RGS3: variants seen among roughly 807,000 people sequenced by gnomAD.
RGS3 encodes the protein regulator of G-protein signalling 3.
RGS3 carries 80 observed loss-of-function variants against 132.6 expected under a neutral mutation model. The ratio of observed to expected loss-of-function variants is 0.60; its 90% CI spans 0.50 to 0.73. The LOEUF (loss-of-function observed/expected upper bound fraction) is 0.73, where lower values mean the gene tolerates loss of function less well. RGS3 is among the 30% of genes least tolerant of loss of function. The probability of loss-of-function intolerance (pLI) is 0.00; values close to 1 mark genes in which losing one functional copy is unlikely to be tolerated. For missense variants in RGS3, 1,382 were observed against 1,530.8 expected (o/e 0.90, Z 1.62); for synonymous variants, 598 against 620.6 (o/e 0.96, Z 0.54).
intron 17 of RGS3, among the ~76,000 whole-genome samples, chr9:113,528,008 C>A (rs1442768094): frequency 1.3e-5 from 2 of 152,146 alleles, no homozygotes; most frequent in Non-Finnish European, 2.9e-5. Context: ...CTCTTCCTTA[C>A]TCCTGGGCAA....
chr9:113,492,027 G>A (rs906141146), intron 7 of RGS3, among the ~76,000 whole-genome samples: 9 of 152,130 alleles, frequency 5.9e-5, no homozygotes, highest in Non-Finnish European at 1.3e-4. Flanking sequence ...CCAGTGATGG[G>A]TACTGAGCTT....
intron 14 of RGS3, among the ~76,000 whole-genome samples, chr9:113,510,202 C>G (rs1216738607): frequency 2.6e-5 from 4 of 152,162 alleles, no homozygotes; most frequent in African/African-American, 9.7e-5. Flanking sequence ...GTTTTCCATT[C>G]CTGAGTTACT....
chr9:113,526,204 T>G (rs903185353), intron 17 of RGS3, among the ~76,000 whole-genome samples: 2 of 152,236 alleles, frequency 1.3e-5, no homozygotes, highest in African/African-American at 4.8e-5. Context: ...TGCTGATTAT[T>G]AGGCTCTCCA....
At chr9:113,553,474 A>T (rs1833440502) in intron 19 of RGS3, among the ~76,000 whole-genome samples, 1 of 115,402 alleles carries the variant, frequency 8.7e-6, no homozygotes, top group Non-Finnish European at 1.7e-5. Context: ...ATATATATAT[A>T]TATATATATA....
chr9:113,581,909 C>T (rs181952509), intron 19 of RGS3: 44 of 435,874 alleles, frequency 1.0e-4, no homozygotes, highest in Non-Finnish European at 6.7e-5. Flanking sequence ...TAAGGCGTGC[C>T]CTTCCCGACC....
At chr9:113,587,386 TG>T (rs1363177147) in intron 20 of RGS3, among the ~76,000 whole-genome samples, 1 of 152,040 alleles carries the variant, frequency 6.6e-6, no homozygotes, top group Non-Finnish European at 1.5e-5. Context: ...AGGGGTGAAG[TG>T]TTCAGGCTGT....
intron 10 of RGS3, among the ~76,000 whole-genome samples, chr9:113,501,977 T>C (rs1393662285): frequency 6.6e-6 from 1 of 152,246 alleles, no homozygotes; most frequent in Non-Finnish European, 1.5e-5. Context: ...TAACTTTTCC[T>C]GCTTCTGACA....
intron 18 of RGS3, among the ~76,000 whole-genome samples, chr9:113,532,513 C>T (rs1233262808): frequency 6.6e-6 from 1 of 152,110 alleles, no homozygotes; most frequent in Non-Finnish European, 1.5e-5. Flanking sequence ...AGAGACCCAG[C>T]CCTACACTCT....
chr9:113,462,349 C>T (rs988796186), intron 3 of RGS3: 5 of 632,884 alleles, frequency 7.9e-6, no homozygotes, highest in Non-Finnish European at 1.1e-5. Flanking sequence ...CAGGACTTCA[C>T]GAAGTGCCAG....
chr9:113,466,758 C>G (rs1829658092), intron 3 of RGS3, among the ~76,000 whole-genome samples: 1 of 152,152 alleles, frequency 6.6e-6, no homozygotes, highest in African/African-American at 2.4e-5. Context: ...ATACAATTCA[C>G]TCATTTAAAC....
At chr9:113,585,752 C>T (rs1405305958) in intron 20 of RGS3, among the ~76,000 whole-genome samples, 1 of 152,222 alleles carries the variant, frequency 6.6e-6, no homozygotes. Flanking sequence ...TTAATGGATT[C>T]CAGCATACTT....
intron 18 of RGS3, among the ~76,000 whole-genome samples, chr9:113,532,554 T>A (rs2118566033): frequency 6.6e-6 from 1 of 152,212 alleles, no homozygotes; most frequent in Non-Finnish European, 1.5e-5. Flanking sequence ...GGTCACCATC[T>A]CAGGTGAAGA....
intron 1 of RGS3, among the ~76,000 whole-genome samples, chr9:113,446,663 A>G (rs1008145605): frequency 4.6e-5 from 7 of 152,218 alleles, no homozygotes; most frequent in African/African-American, 1.7e-4. Context: ...TATTGTTTTC[A>G]TGGTTACAAC....
At chr9:113,445,323 A>T (rs1481160504) in intron 1 of RGS3, among the ~76,000 whole-genome samples, 1 of 150,766 alleles carries the variant, frequency 6.6e-6, no homozygotes. Flanking sequence ...TCAGCCTCCC[A>T]TGTAGCTGGG....
rs372985729 is a variant in RGS3 at position 113,591,027 on chromosome 9, C to T, written c.3016-306C>T. 5.9e-5 allele frequency among the ~76,000 whole-genome samples: 9 copies of T among 152,364 alleles called. No individual in the cohort carries two copies. Among genetic ancestry groups the T allele is most frequent in the African/African-American group, 2.2e-4 (9 of 41,580 alleles). On this transcript the variant is annotated intron_variant, in intron 20 of 24. Coordinates refer to ENST00000350696, the Ensembl canonical transcript of RGS3. The surrounding 1 kb of genome is among the most constrained non-coding windows in gnomAD (Gnocchi z 4.4). ...ACACAGCAGAAGCCCTGCCCTCTCA[C>T]CTGCTCACTGCCTGCAATGAAGCCT...
chr9:113,533,552 A>G (rs778374337), intron 18 of RGS3, among the ~76,000 whole-genome samples: 6 of 152,214 alleles, frequency 3.9e-5, no homozygotes, highest in Non-Finnish European at 7.3e-5. Context: ...TTTAAAATTG[A>G]TAATCAGACA....
At chr9:113,545,619 G>A (rs572155824) in intron 19 of RGS3, among the ~76,000 whole-genome samples, 1 of 151,974 alleles carries the variant, frequency 6.6e-6, no homozygotes, top group East Asian at 1.9e-4. Context: ...TCCTGTCTTC[G>A]CCTTCTCTTC....
chr9:113,526,797 A>G (rs369695193), intron 17 of RGS3, among the ~76,000 whole-genome samples: 9 of 152,276 alleles, frequency 5.9e-5, no homozygotes, highest in East Asian at 1.9e-4. Context: ...CTGGAACCCA[A>G]TGGCTCCTTG....
intron 8 of RGS3, among the ~76,000 whole-genome samples, chr9:113,496,877 G>T (rs1370487026): frequency 6.6e-6 from 1 of 152,076 alleles, no homozygotes; most frequent in African/African-American, 2.4e-5. Context: ...TGCAGCCTTG[G>T]CTTCATTCTC....
Sources: allele counts gnomAD v4.1 joint callset (sites outside exome capture counted in the v4.1 genomes callset), GRCh38; gene constraint gnomAD v4.1.1; non-coding constraint Gnocchi (gnomAD v3.1); transcripts MANE v1.5; gene names NCBI Gene and HGNC (gene_info 2026-07-23, HGNC 2026-07-21).